ANOS1: variants seen among roughly 807,000 people sequenced by gnomAD.
ANOS1 encodes the protein anosmin-1.
ANOS1 carries 6 observed loss-of-function variants against 59.0 expected under a neutral mutation model. The observed-to-expected ratio is 0.10, with a 90% CI of 0.06 to 0.20. The LOEUF is 0.20. ANOS1 is among the 10% of genes least tolerant of loss of function. ANOS1 has a pLI of 1.00. For missense variants in ANOS1, 433 were observed against 542.3 expected, an observed-to-expected ratio of 0.80 and a Z score of 2.00; for synonymous variants, 217 against 223.4, an observed-to-expected ratio of 0.97 and a Z score of 0.25.
intron 2 of ANOS1, among the ~76,000 whole-genome samples, chrX:8,646,031 AC>A (rs1185291681): frequency 2.0e-5 from 2 of 99,056 alleles, no homozygotes; most frequent in African/African-American, 3.8e-5. Context: ...CAGGTGATCC[AC>A]CCCCTCCCCC....
intron 2 of ANOS1, among the ~76,000 whole-genome samples, chrX:8,696,749 TA>T (rs1303914791): frequency 8.9e-6 from 1 of 112,473 alleles, no homozygotes; most frequent in African/African-American, 3.2e-5. Context: ...GGTTCTTTAT[TA>T]GCATCCCTGG....
chrX:8,688,664 G>A (rs915741075), intron 2 of ANOS1, among the ~76,000 whole-genome samples: 26 of 112,006 alleles, frequency 2.3e-4, no homozygotes, highest in Non-Finnish European at 4.1e-4. Flanking sequence ...TTTCACACCC[G>A]TAAAATTGAC....
intron 2 of ANOS1, among the ~76,000 whole-genome samples, chrX:8,674,055 T>C (rs1221390097): frequency 8.9e-6 from 1 of 112,003 alleles, no homozygotes; most frequent in Non-Finnish European, 1.9e-5. Flanking sequence ...TAAAGGAAAC[T>C]TCCCCAGCTC....
chrX:8,554,548 T>G (rs1569047114), intron 8 of ANOS1, among the ~76,000 whole-genome samples: 6 of 93,712 alleles, frequency 6.4e-5, no homozygotes, highest in African/African-American at 1.3e-4. Flanking sequence ...AGGAGTTTTT[T>G]TTTTTTTTTT....
At chrX:8,623,068 ATGGCTTGCTGGC>A (rs1423264934) in intron 3 of ANOS1, among the ~76,000 whole-genome samples, 1 of 109,558 alleles carries the variant, frequency 9.1e-6, no homozygotes, top group African/African-American at 3.4e-5. Flanking sequence ...GGATGGATGG[ATGGCTTGCTGGC>A]TGGCTGGCTG....
intron 3 of ANOS1, among the ~76,000 whole-genome samples, chrX:8,605,194 G>A (rs1362560247): frequency 7.2e-5 from 8 of 110,516 alleles, no homozygotes; most frequent in Admixed American, 5.9e-4. Context: ...TTCTGCCGCT[G>A]CTGCCCCCAT....
intron 9 of ANOS1, among the ~76,000 whole-genome samples, chrX:8,540,518 G>C (rs1004629809): frequency 9.0e-6 from 1 of 111,079 alleles, no homozygotes; most frequent in African/African-American, 3.3e-5. Context: ...CAATAAAGTG[G>C]GGGGAAAAAA....
chrX:8,600,632 A>G (rs1015608612), intron 3 of ANOS1, among the ~76,000 whole-genome samples: 6 of 111,985 alleles, frequency 5.4e-5, no homozygotes, highest in African/African-American at 1.9e-4. Context: ...TTAACTCTCA[A>G]GGCTTTTATC....
intron 2 of ANOS1, among the ~76,000 whole-genome samples, chrX:8,649,964 T>C (rs1264307037): frequency 8.9e-6 from 1 of 112,975 alleles, no homozygotes; most frequent in Non-Finnish European, 1.9e-5. Context: ...ATTTTCTTTT[T>C]GTTAAACTAC....
chrX:8,554,317 C>T (rs1049978118), intron 8 of ANOS1, among the ~76,000 whole-genome samples: 5 of 111,082 alleles, frequency 4.5e-5, no homozygotes, highest in South Asian at 3.8e-4. Flanking sequence ...CAGGGTGGGG[C>T]GTTGCCTCAC....
chrX:8,618,037 C>G (rs968641509), intron 3 of ANOS1, among the ~76,000 whole-genome samples: 2 of 111,380 alleles, frequency 1.8e-5, no homozygotes, highest in Admixed American at 1.9e-4. Context: ...GATTTTAGAT[C>G]TTATACTCCA....
At chrX:8,715,987 G>A (rs1171193448) in intron 1 of ANOS1, among the ~76,000 whole-genome samples, 1 of 111,048 alleles carries the variant, frequency 9.0e-6, no homozygotes, top group Non-Finnish European at 1.9e-5. Context: ...AAGAGGCTCT[G>A]TTCTGAGTAA....
chrX:8,695,888 T>C (rs1932678886), intron 2 of ANOS1, among the ~76,000 whole-genome samples: 1 of 111,463 alleles, frequency 9.0e-6, no homozygotes. Flanking sequence ...TTACTGGTAC[T>C]TATTAGTAAA....
chrX:8,569,375 G>A (rs746022638), intron 7 of ANOS1, among the ~76,000 whole-genome samples: 21 of 112,654 alleles, frequency 1.9e-4, no homozygotes, highest in Non-Finnish European at 1.1e-4. Context: ...GGGCGTGGTG[G>A]CTCACGCCTG....
At chrX:8,666,594 C>T (rs781143984) in intron 2 of ANOS1, among the ~76,000 whole-genome samples, 57 of 111,971 alleles carry the variant, frequency 5.1e-4, no homozygotes, top group Non-Finnish European at 1.7e-4. Flanking sequence ...TTACAATGAA[C>T]ACTGAAAAAG....
chrX:8,535,689 T>C lies in ANOS1; in HGVS notation c.1744A>G (p.Met582Val), dbSNP rs369322187. 11 of 1,209,433 alleles carry C rather than the reference T, an allele frequency of 9.1e-6. No homozygotes were observed. The highest frequency in any genetic ancestry group is 5.2e-5 in the African/African-American group (3 of 57,389). The change falls in exon 12 of 14, where the codon ATG becomes GTG. Residue 582 changes from methionine to valine, a missense_variant. Coordinates refer to ENST00000262648, the MANE Select transcript of ANOS1 (RefSeq NM_000216.4). ...KMAKANLYQP[M>V]TGFQVTWAEV... ...GCCCAAGTCACTTGAAACCCAGTCA[T>C]GGGCTGATAGAGATTGGCCTTGGCC...
intron 5 of ANOS1, among the ~76,000 whole-genome samples, chrX:8,587,293 A>G (rs980589278): frequency 4.5e-5 from 5 of 111,877 alleles, no homozygotes; most frequent in African/African-American, 6.5e-5. Flanking sequence ...GACAAAGAAG[A>G]AAGTACTTAG....
rs987343263 is a variant in ANOS1 at position 8,555,401 on chromosome X, G to C, written c.1208-1303C>G. 2.7e-5 allele frequency among the ~76,000 whole-genome samples: 3 copies of C among 110,949 alleles called. No individual in the cohort carries two copies. The Admixed American group carries it at 2.9e-4, about 11-fold the overall frequency. On this transcript the variant is annotated intron_variant, in intron 8 of 13. Transcript: ENST00000262648. Reference sequence around the variant, plus strand: ...GATCAGAGGAGAACTGAAGGAGATAGAGACACAAAAAACCCTTCCAAAAAT... The same window carrying C: ...GATCAGAGGAGAACTGAAGGAGATACAGACACAAAAAACCCTTCCAAAAAT...
intron 2 of ANOS1, among the ~76,000 whole-genome samples, chrX:8,685,644 GAAAGAAAGAAAGAA>G (rs1207750043): frequency 1.1e-4 from 11 of 97,777 alleles, no homozygotes; most frequent in Non-Finnish European, 2.2e-4. Context: ...AAGAAAGAAA[GAAAGAAAGAAAGAA>G]AAAGAAAGGA....
Sources: gnomAD v4.1 joint callset for allele counts (sites outside exome capture counted in the v4.1 genomes callset) on GRCh38, gnomAD v4.1.1 for gene constraint, MANE v1.5 for transcripts, NCBI Gene and HGNC (gene_info 2026-07-23, HGNC 2026-07-21) for gene names.